Variants in GNPTAB observed in about 807,000 individuals in gnomAD.
The protein encoded by GNPTAB is N-acetylglucosamine-1-phosphotransferase subunits alpha/beta.
In GNPTAB, 92 loss-of-function variants were observed where a neutral mutation model predicts 136.6. That is an observed-to-expected ratio of 0.67 (90% confidence interval 0.57 to 0.80). The LOEUF is 0.80. GNPTAB is among the 30% of genes least tolerant of loss of function. GNPTAB has a pLI of 0.00. For missense variants in GNPTAB, 1,343 were observed against 1,501.8 expected, an observed-to-expected ratio of 0.89 and a Z score of 1.75; for synonymous variants, 512 against 535.1, an observed-to-expected ratio of 0.96 and a Z score of 0.60.
chr12:101,756,254 ATTTC>A (rs1952899078), intron 18 of GNPTAB: 1 of 156,322 alleles, frequency 6.4e-6, no homozygotes, highest in Non-Finnish European at 1.4e-5. Flanking sequence ...GAAAATTCCA[ATTTC>A]TTTCTCCTCC....
intron 1 of GNPTAB, among the ~76,000 whole-genome samples, chr12:101,820,823 C>T (rs1488458139): frequency 2.0e-5 from 3 of 152,030 alleles, no homozygotes; most frequent in East Asian, 3.8e-4. Context: ...TTTGGGAGGC[C>T]GAGGTGGGTG....
At position 101,764,600 on chromosome 12, in the gene GNPTAB, T is replaced by C; in HGVS notation, c.2317A>G (p.Ser773Gly). 1 of 1,614,088 alleles carries C rather than the reference T, an allele frequency of 6.2e-7. No individual in the cohort carries two copies. The highest frequency in any genetic ancestry group is 8.5e-7 in the Non-Finnish European group (1 of 1,180,008). Residue 773 changes from serine to glycine, a missense_variant, in exon 13 of 21, where the codon AGC becomes GGC. Transcript: ENST00000299314. The stretch of plus-strand genomic sequence containing the variant: ...ACTCCTAAGCTGTTTGGCAAGATGC[T>C]TTTATGAACCTGTTTTTCCTGTGGA... Reference protein sequence around the residue: ...VAPQEKQVHKSILPNSLGVSE... With the variant: ...VAPQEKQVHKGILPNSLGVSE...
intron 7 of GNPTAB, chr12:101,779,063 G>A (rs1245735955): frequency 6.6e-6 from 1 of 151,202 alleles, no homozygotes; most frequent in East Asian, 2.2e-4. Flanking sequence ...ATTTGGTTGG[G>A]GGGTGCATAT....
chr12:101,827,270 T>C (rs1388628589), intron 1 of GNPTAB, among the ~76,000 whole-genome samples: 1 of 151,986 alleles, frequency 6.6e-6, no homozygotes, highest in African/African-American at 2.4e-5. Context: ...CTGGGACTAC[T>C]CTACTTTTTT....
chr12:101,827,863 G>A (rs1204477960), intron 1 of GNPTAB, among the ~76,000 whole-genome samples: 2 of 152,126 alleles, frequency 1.3e-5, no homozygotes, highest in Non-Finnish European at 2.9e-5. Flanking sequence ...CTACTCCGGA[G>A]GGTGGGGCAG....
chr12:101,829,455 A>C (rs1002509028), intron 1 of GNPTAB, among the ~76,000 whole-genome samples: 1 of 152,228 alleles, frequency 6.6e-6, no homozygotes. Context: ...ACTGCATTCC[A>C]GCCTGGGCAA....
chr12:101,789,464 C>T (rs921782524), intron 3 of GNPTAB, among the ~76,000 whole-genome samples: 1 of 151,940 alleles, frequency 6.6e-6, no homozygotes, highest in Non-Finnish European at 1.5e-5. Context: ...ACCCACAGGA[C>T]TATGTGTTTT....
chr12:101,781,500 T>C (rs1953343234), intron 5 of GNPTAB, among the ~76,000 whole-genome samples: 1 of 152,036 alleles, frequency 6.6e-6, no homozygotes, highest in Non-Finnish European at 1.5e-5. Flanking sequence ...ACCCTGTCTC[T>C]ACAAAAAACA....
chr12:101,756,625 A>T (rs1224969754), intron 18 of GNPTAB: 1 of 185,136 alleles, frequency 5.4e-6, no homozygotes, highest in African/African-American at 2.4e-5. Context: ...GAAGTTGATG[A>T]AACATCTACT....
chr12:101,759,754 G>A (rs766393682), intron 16 of GNPTAB, among the ~76,000 whole-genome samples: 7 of 152,192 alleles, frequency 4.6e-5, no homozygotes, highest in Non-Finnish European at 2.9e-5. Flanking sequence ...TGGCCAATGA[G>A]AATACTCTGG....
chr12:101,810,917 A>T (rs1207254226), intron 1 of GNPTAB, among the ~76,000 whole-genome samples: 1 of 152,206 alleles, frequency 6.6e-6, no homozygotes, highest in Admixed American at 6.5e-5. Flanking sequence ...AGCCAGTACA[A>T]AGCTCCTAAG....
intron 1 of GNPTAB, among the ~76,000 whole-genome samples, chr12:101,809,623 G>T (rs77104141): frequency 0.017 from 2,546 of 152,256 alleles, 79 homozygotes; most frequent in African/African-American, 0.058. Context: ...AAACTTAAAT[G>T]AATATTACTA....
rs1190886710 is a variant in GNPTAB, at chr12:101,761,898, G to A, written c.2716-135C>T. ...AGGAGCAAATGAAATACATGTTAACGGGTCACTTTAAGGATCTAAACTGGA... is the reference window on the plus strand; with the variant it reads ...AGGAGCAAATGAAATACATGTTAACAGGTCACTTTAAGGATCTAAACTGGA... On this transcript the variant is annotated intron_variant, in intron 13 of 20. Coordinates refer to ENST00000299314, the MANE Select transcript of GNPTAB (RefSeq NM_024312.5). 1.1e-5 allele frequency: 8 copies of A among 724,132 alleles called. No individual in the cohort carries two copies. The East Asian group carries it at 1.3e-4, about 12-fold the overall frequency. The allele number at this position is 724,132 out of a possible 1,614,324, so 44.9% of individuals were successfully genotyped here. A position where few individuals can be genotyped will look rare whatever the true frequency, so the allele number is the denominator to read the frequency against.
In GNPTAB at chr12:101,765,189, A is replaced by G. The variant is rs749161781; in HGVS notation, c.1728T>C (p.Val576=). The G allele has an allele frequency of 4.3e-6, 7 of 1,614,130 alleles. No homozygotes were observed. The highest frequency in any genetic ancestry group is 5.9e-6 in the Non-Finnish European group (7 of 1,179,994). ...FSFAEVAKRG[V]EGAYSDNPII... is the part of the protein sequence containing the mutation. ...TTGGATTGTCACTATAGGCACCTTC[A>G]ACTCCTCTTTTGGCTACTTCTGCAA... The change falls in exon 13 of 21, where the codon GTT becomes GTC. Residue 576 remains valine, a synonymous_variant. Transcript: ENST00000299314.
intron 13 of GNPTAB, among the ~76,000 whole-genome samples, chr12:101,762,868 A>G (rs1389225128): frequency 6.7e-6 from 1 of 149,516 alleles, no homozygotes; most frequent in East Asian, 2.0e-4. Flanking sequence ...ATTGTTTGCA[A>G]TTTTTACTAC....
At chr12:101,825,927 T>A (rs1370473084) in intron 1 of GNPTAB, among the ~76,000 whole-genome samples, 1 of 152,256 alleles carries the variant, frequency 6.6e-6, no homozygotes, top group African/African-American at 2.4e-5. Flanking sequence ...CAATTTGTGC[T>A]GCACCTAGGA....
At chr12:101,820,242 G>T (rs889303358) in intron 1 of GNPTAB, among the ~76,000 whole-genome samples, 1 of 152,236 alleles carries the variant, frequency 6.6e-6, no homozygotes, top group Non-Finnish European at 1.5e-5. Context: ...ATTCACTTAA[G>T]AACTACAAGT....
intron 1 of GNPTAB, among the ~76,000 whole-genome samples, chr12:101,807,546 A>G (rs1386949981): frequency 2.0e-5 from 3 of 152,212 alleles, no homozygotes; most frequent in Admixed American, 2.0e-4. Flanking sequence ...CACCGATGAC[A>G]TGACTGTCTA....
intron 1 of GNPTAB, among the ~76,000 whole-genome samples, chr12:101,824,823 G>C (rs11834309): frequency 6.6e-6 from 1 of 152,032 alleles, no homozygotes; most frequent in East Asian, 1.9e-4. Flanking sequence ...TCTGAGTTGG[G>C]AGTCTGTCAC....
Sources: allele counts gnomAD v4.1 joint callset (sites outside exome capture counted in the v4.1 genomes callset), GRCh38; gene constraint gnomAD v4.1.1; transcripts MANE v1.5; gene names NCBI Gene and HGNC (gene_info 2026-07-23, HGNC 2026-07-21).